Variants in EFCAB13 observed in about 807,000 individuals in gnomAD.
EFCAB13 encodes EF-hand calcium-binding domain-containing protein 13.
In EFCAB13, 91 loss-of-function variants were observed where a neutral mutation model predicts 110.2. The observed-to-expected ratio is 0.83, with a 90% CI of 0.70 to 0.98. The LOEUF (loss-of-function observed/expected upper bound fraction) is 0.98. EFCAB13 is among the 50% of genes least tolerant of loss of function. The pLI is 0.00. For missense variants in EFCAB13, 968 were observed against 1,119.4 expected, an observed-to-expected ratio of 0.86 and a Z score of 1.93; for synonymous variants, 323 against 369.9, an observed-to-expected ratio of 0.87 and a Z score of 1.45.
intron 9 of EFCAB13, 50 bp downstream of exon 9, chr17:47,348,001 T>A: frequency 7.7e-7 from 1 of 1,295,988 alleles, no homozygotes; most frequent in East Asian, 2.7e-5. Context: ...ATCATAAATA[T>A]GTTTGTCAGA....
intron 20 of EFCAB13, among the ~76,000 whole-genome samples, chr17:47,406,764 C>G (rs891288453): frequency 6.6e-6 from 1 of 152,118 alleles, no homozygotes; most frequent in African/African-American, 2.4e-5. Flanking sequence ...ACTCTTCCTC[C>G]CATTAATAGC....
At chr17:47,335,518 G>A (rs558145830) in intron 5 of EFCAB13, among the ~76,000 whole-genome samples, 162 bp downstream of exon 5, 2 of 152,238 alleles carry the variant, frequency 1.3e-5, no homozygotes, top group African/African-American at 4.8e-5. Context: ...CTCCTAAATA[G>A]CTGTTCTTAC....
chr17:47,351,901 T>G (rs899796673), intron 9 of EFCAB13, among the ~76,000 whole-genome samples: 10 of 134,918 alleles, frequency 7.4e-5, no homozygotes, highest in African/African-American at 2.3e-4. Flanking sequence ...TTCATGTAGT[T>G]TTTTTTTTTT....
rs148394949 is a variant in EFCAB13, at chr17:47,375,420, T to C, written c.1372+454T>C. 1.8e-3 allele frequency among the ~76,000 whole-genome samples: 277 copies of C among 152,054 alleles called. 4 individuals are homozygous for C. The highest frequency in any genetic ancestry group is 6.2e-3 in the African/African-American group (258 of 41,474). On this transcript the variant is annotated intron_variant, in intron 12 of 24. Transcript: ENST00000331493. Reference sequence around the variant, plus strand: ...ATCCTCCCACCTCCTCAGCCTCTCATGTAGCTGGGAGCATAGGAACATGCC... The same window carrying C: ...ATCCTCCCACCTCCTCAGCCTCTCACGTAGCTGGGAGCATAGGAACATGCC...
At chr17:47,368,096 A>G (rs2065559146) in intron 10 of EFCAB13, among the ~76,000 whole-genome samples, 1 of 152,228 alleles carries the variant, frequency 6.6e-6, no homozygotes, top group Non-Finnish European at 1.5e-5. Context: ...GCAGAACAGC[A>G]GAATCTACAA....
chr17:47,335,494 T>G, intron 5 of EFCAB13, 138 bp downstream of exon 5: 1 of 645,416 alleles, frequency 1.5e-6, no homozygotes, highest in South Asian at 3.2e-5. Flanking sequence ...ATTCTTTCAG[T>G]AGCATAATTT....
chr17:47,410,205 G>T (rs950804240), intron 21 of EFCAB13, among the ~76,000 whole-genome samples: 3 of 152,168 alleles, frequency 2.0e-5, no homozygotes, highest in Non-Finnish European at 2.9e-5. Flanking sequence ...GGGCCTTATT[G>T]CTGTGTCATA....
chr17:47,377,468 A>C (rs1259125501), intron 12 of EFCAB13, among the ~76,000 whole-genome samples: 1 of 152,118 alleles, frequency 6.6e-6, no homozygotes, highest in African/African-American at 2.4e-5. Context: ...GGCCCCATTA[A>C]TTTTATTTTA....
At chr17:47,328,746 GC>G (rs1828742414) in intron 4 of EFCAB13, 1 of 179,262 alleles carries the variant, frequency 5.6e-6, no homozygotes, top group Non-Finnish European at 1.2e-5. Flanking sequence ...AATTTCTTTA[GC>G]CCTCTTATCT....
At chr17:47,416,010 C>T (rs372165655) in intron 23 of EFCAB13, among the ~76,000 whole-genome samples, 31 of 152,112 alleles carry the variant, frequency 2.0e-4, no homozygotes, top group African/African-American at 7.2e-4. Flanking sequence ...TTATCAATGG[C>T]GTATTTCTAA....
At chr17:47,438,545 T>C (rs892151750) in intron 24 of EFCAB13, among the ~76,000 whole-genome samples, 2 of 151,768 alleles carry the variant, frequency 1.3e-5, no homozygotes, top group African/African-American at 4.8e-5. Flanking sequence ...TAGAAGAACT[T>C]ATCTTCGAGC....
rs566026354 is a variant in EFCAB13, at chr17:47,385,852, T to C, written c.1583-5585T>C. Among the ~76,000 whole-genome samples, 5 of 152,344 alleles carry C rather than the reference T, an allele frequency of 3.3e-5. No homozygotes were observed. The East Asian group carries it at 7.7e-4, about 24-fold the overall frequency. On this transcript the variant is annotated intron_variant, in intron 14 of 24. Coordinates refer to ENST00000331493, the MANE Select transcript of EFCAB13 (RefSeq NM_152347.5). Reference sequence around the variant, plus strand: ...TTATGTTGATGATGTTACTGCTTTCTGTTTGTTACTTTTTCTTCTAACAGT... The same window carrying C: ...TTATGTTGATGATGTTACTGCTTTCCGTTTGTTACTTTTTCTTCTAACAGT...
At chr17:47,427,065 A>G (rs1056203568) in intron 23 of EFCAB13, among the ~76,000 whole-genome samples, 3 of 152,148 alleles carry the variant, frequency 2.0e-5, no homozygotes, top group African/African-American at 7.2e-5. Context: ...TAATGCCTAT[A>G]TCATATGATA....
Position 47,366,725 on chromosome 17 carries a change from C to T in EFCAB13, c.806-3712C>T, listed in dbSNP as rs185129276. ...GATAGTCATTTCAGATTCTCGAACGCGTCTTTGGCCACTAGGGACTATTTA... is the reference window on the plus strand; with the variant it reads ...GATAGTCATTTCAGATTCTCGAACGTGTCTTTGGCCACTAGGGACTATTTA... On this transcript the variant is annotated intron_variant, in intron 10 of 24. Transcript: ENST00000331493. 8.9e-4 allele frequency among the ~76,000 whole-genome samples: 135 copies of T among 152,240 alleles called. 1 individual carries two copies. The highest frequency in any genetic ancestry group is 3.8e-4 in the Non-Finnish European group (26 of 68,004).
At chr17:47,361,848 C>T (rs1415178356) in intron 10 of EFCAB13, among the ~76,000 whole-genome samples, 1 of 152,138 alleles carries the variant, frequency 6.6e-6, no homozygotes, top group African/African-American at 2.4e-5. Context: ...GCATTGACTC[C>T]ACAAGTTAGA....
intron 18 of EFCAB13, among the ~76,000 whole-genome samples, chr17:47,403,219 A>G (rs2065788005): frequency 6.6e-6 from 1 of 152,158 alleles, no homozygotes; most frequent in South Asian, 2.1e-4. Context: ...TAAATATGAC[A>G]TTTATTGAGG....
chr17:47,329,962 T>G (rs1357076823), intron 4 of EFCAB13: 1 of 152,230 alleles, frequency 6.6e-6, no homozygotes, highest in Non-Finnish European at 1.5e-5. Context: ...GAAATAGTTC[T>G]GTTAATTTCC....
rs1327279123 is a variant in EFCAB13 at position 47,361,445 on chromosome 17, T to C, written c.729T>C (p.Phe243=). The change falls in exon 10 of 25, where the codon TTT becomes TTC. Residue 243 remains phenylalanine, a synonymous_variant. Transcript: ENST00000331493. The part of the protein sequence containing the change: ...KGGRVSTDDV[F]AVLDSMGIPI... ...GTCGAGTTTCAACTGATGACGTGTT[T>C]GCTGTTTTGGATAGCATGGGTATCC... The C allele has an allele frequency of 1.2e-6, 2 of 1,613,972 alleles. No individual in the cohort carries two copies. Among genetic ancestry groups the C allele is most frequent in the East Asian group, 2.2e-5 (1 of 44,836 alleles).
intron 17 of EFCAB13, among the ~76,000 whole-genome samples, chr17:47,397,021 T>TCCCCCTCC (rs1309209247): frequency 2.1e-4 from 27 of 131,246 alleles, no homozygotes; most frequent in African/African-American, 7.6e-4. Flanking sequence ...CCTCTCCCTC[T>TCCCCCTCC]CCCCCTCCCC....
Sources: allele counts gnomAD v4.1 joint callset (sites outside exome capture counted in the v4.1 genomes callset), GRCh38; gene constraint gnomAD v4.1.1; transcripts MANE v1.5; gene names NCBI Gene and HGNC (gene_info 2026-07-23, HGNC 2026-07-21).